The following LRRIQ3 variants were observed in gnomAD, a reference collection of about 807,000 sequenced individuals.
LRRIQ3 encodes leucine-rich repeat and IQ domain-containing protein 3.
LRRIQ3 carries 75 observed loss-of-function variants against 59.3 expected under a neutral mutation model. The observed-to-expected ratio is 1.26, with a 90% CI of 1.05 to 1.53. The LOEUF (loss-of-function observed/expected upper bound fraction) is 1.53, where lower values mean the gene tolerates loss of function less well. Ranked by LOEUF, LRRIQ3 falls within the 40% of genes most tolerant of loss-of-function variation. The pLI is 0.00. For synonymous variants in LRRIQ3, 250 were observed against 231.3 expected, an observed-to-expected ratio of 1.08 and a Z score of -0.73; for missense variants, 831 against 710.0, an observed-to-expected ratio of 1.17 and a Z score of -1.94.
At chr1:74,089,283 TATC>T (rs1449761650) in intron 5 of LRRIQ3, among the ~76,000 whole-genome samples, 1 of 152,088 alleles carries the variant, frequency 6.6e-6, no homozygotes, top group Non-Finnish European at 1.5e-5. Context: ...AGAATTACCA[TATC>T]ATCCAGTAAT....
At position 74,082,882 on chromosome 1, in the gene LRRIQ3, GT is replaced by G. The variant is rs1646288374; in HGVS notation, c.868-8093del. ...TTGAATAATATTTTCTAAAATTGAGGTTTTATCCCCCTGCAACTTGGAACAA... is the reference window on the plus strand; with the variant it reads ...TTGAATAATATTTTCTAAAATTGAGGTTTATCCCCCTGCAACTTGGAACAA... On this transcript the variant is annotated intron_variant, in intron 5 of 7. Coordinates refer to ENST00000354431, the MANE Select transcript of LRRIQ3 (RefSeq NM_001105659.2). The G allele has an allele frequency of 2.6e-5, 4 of 151,526 alleles. No individual in the cohort carries two copies. In the South Asian group the frequency reaches 8.3e-4, roughly 31 times the overall value. 9.4% of individuals were successfully genotyped at this position (151,526 alleles called of 1,614,324 possible).
chr1:74,049,924 TC>T (rs1654318268), intron 6 of LRRIQ3, among the ~76,000 whole-genome samples: 2 of 145,018 alleles, frequency 1.4e-5, no homozygotes, highest in Non-Finnish European at 1.5e-5. Context: ...GTCTTTTTTT[TC>T]TTTTTTTTTT....
At position 74,028,699 on chromosome 1, in the gene LRRIQ3, T is replaced by C. The variant is rs534472424; in HGVS notation, c.1719-1730A>G. Among the ~76,000 whole-genome samples, 31 of 151,714 alleles carry C rather than the reference T, an allele frequency of 2.0e-4. 1 individual carries two copies. The South Asian group carries it at 3.3e-3, about 16-fold the overall frequency. On this transcript the variant is annotated intron_variant, in intron 7 of 7. Coordinates refer to ENST00000354431, the MANE Select transcript of LRRIQ3 (RefSeq NM_001105659.2). ...GTGATTTTAGATAGGTTATTTAAGT[T>C]GTCTCTGTATTATTTTTTTTCATCT...
At chr1:74,137,280 A>G (rs1647139119) in intron 4 of LRRIQ3, among the ~76,000 whole-genome samples, 1 of 152,070 alleles carries the variant, frequency 6.6e-6, no homozygotes, top group Non-Finnish European at 1.5e-5. Context: ...TACTATAAAA[A>G]TAGATATGAA....
intron 5 of LRRIQ3, chr1:74,081,824 T>A (rs1290806296): frequency 1.3e-5 from 2 of 151,434 alleles, no homozygotes; most frequent in South Asian, 4.2e-4. Context: ...TTAAACAGAG[T>A]ATAACTCTCC....
intron 3 of LRRIQ3, among the ~76,000 whole-genome samples, chr1:74,164,771 A>C (rs2100686888): frequency 6.6e-6 from 1 of 151,672 alleles, no homozygotes; most frequent in Middle Eastern, 3.4e-3. Context: ...TACTTTTCTA[A>C]AATTCTGTAA....
chr1:74,074,832 A>C (rs1646185379), intron 5 of LRRIQ3, 42 bp from the exon 6 acceptor site: 916 of 1,030,996 alleles, frequency 8.9e-4, no homozygotes, highest in Non-Finnish European at 1.1e-3. Flanking sequence ...ATAATATCTC[A>C]TGTGTTTTAG....
intron 7 of LRRIQ3, 144 bp downstream of exon 7, chr1:74,041,069 T>G: frequency 1.5e-6 from 1 of 665,454 alleles, no homozygotes; most frequent in Non-Finnish European, 2.4e-6. Flanking sequence ...TATATTAGTA[T>G]ATTATTTGTT....
chr1:74,036,665 C>T (rs1653882839), intron 7 of LRRIQ3, among the ~76,000 whole-genome samples: 2 of 152,062 alleles, frequency 1.3e-5, no homozygotes, highest in Non-Finnish European at 2.9e-5. Flanking sequence ...TGCTTTTTGC[C>T]ATATTTCCCA....
At chr1:74,186,725 C>T (rs904089010) in intron 1 of LRRIQ3, among the ~76,000 whole-genome samples, 6 of 152,018 alleles carry the variant, frequency 3.9e-5, no homozygotes, top group Non-Finnish European at 7.4e-5. Flanking sequence ...CATGATATTA[C>T]TTAATTCAAT....
chr1:74,192,049 A>G (rs937399932), intron 1 of LRRIQ3, among the ~76,000 whole-genome samples: 2 of 151,984 alleles, frequency 1.3e-5, no homozygotes, highest in African/African-American at 4.8e-5. Flanking sequence ...AAAAATAAAT[A>G]CTCTACTCAG....
chr1:74,181,350 C>G (rs964810554), intron 3 of LRRIQ3: 4 of 151,984 alleles, frequency 2.6e-5, no homozygotes, highest in African/African-American at 9.7e-5. Context: ...ACCATTTATT[C>G]ATAGAGCACT....
chr1:74,075,696 T>A (rs1048411765), intron 5 of LRRIQ3, among the ~76,000 whole-genome samples: 1 of 152,290 alleles, frequency 6.6e-6, no homozygotes, highest in Admixed American at 6.5e-5. Flanking sequence ...CTGGTTGGGA[T>A]GTTTTAGTGA....
chr1:74,123,869 A>T (rs1646897550), intron 4 of LRRIQ3, among the ~76,000 whole-genome samples: 1 of 151,970 alleles, frequency 6.6e-6, no homozygotes, highest in Admixed American at 6.6e-5. Context: ...TAGATATTTG[A>T]GGAACATCCA....
At chr1:74,181,083 A>T (rs1281132446) in intron 3 of LRRIQ3, 1 of 365,750 alleles carries the variant, frequency 2.7e-6, no homozygotes, top group Non-Finnish European at 5.0e-6. Context: ...TTCATATATT[A>T]GGTACTCAGT....
intron 5 of LRRIQ3, among the ~76,000 whole-genome samples, chr1:74,076,742 A>G (rs1646214526): frequency 6.6e-6 from 1 of 152,052 alleles, no homozygotes; most frequent in Non-Finnish European, 1.5e-5. Flanking sequence ...ATTTGTCTCC[A>G]AGCAGTGACT....
chr1:74,028,357 A>G (rs1306003718), intron 7 of LRRIQ3, among the ~76,000 whole-genome samples: 1 of 152,112 alleles, frequency 6.6e-6, no homozygotes, highest in Non-Finnish European at 1.5e-5. Context: ...CATTTTCTTC[A>G]TTGTTAAGGA....
chr1:74,077,032 A>T (rs1158944675), intron 5 of LRRIQ3, among the ~76,000 whole-genome samples: 1 of 152,126 alleles, frequency 6.6e-6, no homozygotes, highest in African/African-American at 2.4e-5. Context: ...TCAAAATATG[A>T]CACAATTTTA....
At chr1:74,150,056 T>C (rs1233311468) in intron 4 of LRRIQ3, among the ~76,000 whole-genome samples, 1 of 152,196 alleles carries the variant, frequency 6.6e-6, no homozygotes, top group African/African-American at 2.4e-5. Flanking sequence ...CCGGTAAGGG[T>C]GATTAAAATT....
Sources: gnomAD v4.1 joint callset for allele counts (sites outside exome capture counted in the v4.1 genomes callset) on GRCh38, gnomAD v4.1.1 for gene constraint, MANE v1.5 for transcripts, NCBI Gene and HGNC (gene_info 2026-07-23, HGNC 2026-07-21) for gene names.